Variants in CHSY1 observed in about 807,000 individuals in gnomAD.
The protein encoded by CHSY1 is N-acetylgalactosaminyl-proteoglycan 3-beta-glucuronosyltransferase 1.
Under a neutral mutation model 59.8 loss-of-function variants are expected in CHSY1, and 13 were observed. The ratio of observed to expected loss-of-function variants is 0.22; its 90% confidence interval spans 0.14 to 0.35. The LOEUF (loss-of-function observed/expected upper bound fraction) is 0.35, where lower values mean the gene tolerates loss of function less well. Among genes scored for constraint, CHSY1 ranks in the 10% least tolerant of loss-of-function variants. The pLI is 1.00. For missense variants in CHSY1, 947 were observed against 1,030.6 expected (o/e 0.92, Z 1.11); for synonymous variants, 459 against 401.2 (o/e 1.14, Z -1.72).
intron 2 of CHSY1, among the ~76,000 whole-genome samples, chr15:101,220,779 T>A (rs1484942573): frequency 6.6e-6 from 1 of 152,218 alleles, no homozygotes; most frequent in African/African-American, 2.4e-5. Context: ...TCAGCTTCCG[T>A]GTTTTCTCAG....
In CHSY1 at chr15:101,247,366, T is replaced by C. The variant is rs192092292; in HGVS notation, c.320+3771A>G. Among the ~76,000 whole-genome samples the C allele has an allele frequency of 3.4e-3, 525 of 152,302 alleles. 5 individuals carry two copies. The highest frequency in any genetic ancestry group is 0.029 in the Admixed American group (444 of 15,300). ...ATGGCACTCTCTCCAAACTCTTCCC[T>C]AATCACCTAACACAGAGAGGACACA... On this transcript the variant is annotated intron_variant, in intron 1 of 2. Transcript: ENST00000254190.
rs1010481114 is a variant in CHSY1, at chr15:101,234,563, AGT to A, written c.816+517_816+518del. On this transcript the variant is annotated intron_variant, in intron 2 of 2. Coordinates refer to ENST00000254190, the MANE Select transcript of CHSY1 (RefSeq NM_014918.5). ...CCCAAATGCCATTATTTATTAACTA[AGT>A]ATTAGGACAAAAGTATGGAAGAGCC... 1.2e-4 allele frequency among the ~76,000 whole-genome samples: 18 copies of A among 152,318 alleles called. 1 individual carries two copies. The highest frequency in any genetic ancestry group is 4.1e-4 in the African/African-American group (17 of 41,562).
At chr15:101,180,401 C>T (rs894596090) in intron 2 of CHSY1, among the ~76,000 whole-genome samples, 3 of 152,172 alleles carry the variant, frequency 2.0e-5, no homozygotes, top group Non-Finnish European at 2.9e-5. Flanking sequence ...GGCAGGTGCA[C>T]GCATGGACTT....
intron 2 of CHSY1, among the ~76,000 whole-genome samples, chr15:101,179,981 T>A (rs1452403003): frequency 6.6e-6 from 1 of 152,226 alleles, no homozygotes; most frequent in African/African-American, 2.4e-5. Context: ...GAGGTTGGTA[T>A]CTGGTAAATT....
At chr15:101,207,874 A>G (rs1410452263) in intron 2 of CHSY1, among the ~76,000 whole-genome samples, 2 of 152,224 alleles carry the variant, frequency 1.3e-5, no homozygotes, top group African/African-American at 2.4e-5. Context: ...AGTGGGGTCA[A>G]GCAAGATAGG....
intron 2 of CHSY1, 116 bp from the exon 3 acceptor site, chr15:101,179,096 G>C: frequency 9.8e-7 from 1 of 1,024,850 alleles, no homozygotes; most frequent in South Asian, 1.3e-5. Flanking sequence ...GCACACAAAA[G>C]GCCCTAGATA....
At chr15:101,196,485 A>C (rs1043765692) in intron 2 of CHSY1, among the ~76,000 whole-genome samples, 1 of 152,194 alleles carries the variant, frequency 6.6e-6, no homozygotes, top group Non-Finnish European at 1.5e-5. Context: ...CATTAAACCT[A>C]TTCTGTCTAC....
At chr15:101,250,249 G>C (rs1461974716) in intron 1 of CHSY1, among the ~76,000 whole-genome samples, 4 of 152,194 alleles carry the variant, frequency 2.6e-5, no homozygotes, top group Non-Finnish European at 5.9e-5. Flanking sequence ...TATCCATACA[G>C]TAAGTGTCTC....
intron 2 of CHSY1, among the ~76,000 whole-genome samples, chr15:101,208,973 T>G (rs578212322): frequency 6.6e-6 from 1 of 152,182 alleles, no homozygotes. Flanking sequence ...CATCACACTA[T>G]TCATTTATTC....
At chr15:101,181,414 A>T (rs987753044) in intron 2 of CHSY1, among the ~76,000 whole-genome samples, 1 of 152,252 alleles carries the variant, frequency 6.6e-6, no homozygotes, top group Non-Finnish European at 1.5e-5. Flanking sequence ...GAACCATAAT[A>T]TCGTTTGTGG....
chr15:101,239,648 T>G (rs1456971568), intron 1 of CHSY1, among the ~76,000 whole-genome samples: 1 of 152,222 alleles, frequency 6.6e-6, no homozygotes, highest in Admixed American at 6.5e-5. Context: ...CAGGAAAGTG[T>G]GGGCTCCACG....
intron 2 of CHSY1, among the ~76,000 whole-genome samples, chr15:101,226,270 G>C (rs982935070): frequency 9.2e-5 from 14 of 152,288 alleles, no homozygotes; most frequent in Admixed American, 3.3e-4. Flanking sequence ...GTTTCCGGTA[G>C]CCCTCACATT....
At chr15:101,249,383 CA>C (rs10593437) in intron 1 of CHSY1, among the ~76,000 whole-genome samples, 1,369 of 115,036 alleles carry the variant, frequency 0.012, 13 homozygotes, top group East Asian at 0.065. Flanking sequence ...TTTCTCTGGT[CA>C]AAAAAAAAAA....
intron 2 of CHSY1, among the ~76,000 whole-genome samples, chr15:101,222,111 G>C (rs1461842946): frequency 6.6e-6 from 1 of 152,152 alleles, no homozygotes; most frequent in East Asian, 1.9e-4. Flanking sequence ...CTCTTTGTAA[G>C]GGTTAGAAGT....
chr15:101,204,127 A>C (rs2038600768), intron 2 of CHSY1, among the ~76,000 whole-genome samples: 2 of 152,172 alleles, frequency 1.3e-5, no homozygotes, highest in African/African-American at 2.4e-5. Context: ...GCAACTTCCA[A>C]ATGGTTCAGA....
Position 101,241,677 on chromosome 15 carries a change from C to T in CHSY1, c.321-6100G>A, listed in dbSNP as rs180837512. 1.6e-3 allele frequency among the ~76,000 whole-genome samples: 248 copies of T among 152,132 alleles called. 3 individuals carry two copies. The highest frequency in any genetic ancestry group is 5.7e-3 in the African/African-American group (236 of 41,516). ...AAGGTGGGGAGATTTTCTGTGAGTTCCCCAAAATCACTATTACATGTGCTG... is the reference window on the plus strand; with the variant it reads ...AAGGTGGGGAGATTTTCTGTGAGTTTCCCAAAATCACTATTACATGTGCTG... On this transcript the variant is annotated intron_variant, in intron 1 of 2. Transcript: ENST00000254190.
chr15:101,223,594 C>T (rs905562370), intron 2 of CHSY1, among the ~76,000 whole-genome samples: 1 of 135,650 alleles, frequency 7.4e-6, no homozygotes, highest in African/African-American at 2.8e-5. Context: ...ACTCAGGCCT[C>T]GTCTACTACA....
chr15:101,237,610 A>G (rs2038959855), intron 1 of CHSY1, among the ~76,000 whole-genome samples: 1 of 152,018 alleles, frequency 6.6e-6, no homozygotes, highest in Non-Finnish European at 1.5e-5. Context: ...AGGGTGTAAG[A>G]GACAACGGTT....
intron 1 of CHSY1, among the ~76,000 whole-genome samples, chr15:101,238,185 C>T (rs1202241377): frequency 6.6e-6 from 1 of 152,092 alleles, no homozygotes; most frequent in African/African-American, 2.4e-5. Context: ...TAAAACTTAC[C>T]ATCTTAACCA....
Sources: gnomAD v4.1 joint callset for allele counts (sites outside exome capture counted in the v4.1 genomes callset) on GRCh38, gnomAD v4.1.1 for gene constraint, MANE v1.5 for transcripts, NCBI Gene and HGNC (gene_info 2026-07-23, HGNC 2026-07-21) for gene names.